Variants in ARHGAP26 observed in about 807,000 individuals in gnomAD.
The protein encoded by ARHGAP26 is Rho GTPase activating protein 26.
ARHGAP26 carries 38 observed loss-of-function variants against 104.8 expected under a neutral mutation model. That is an observed-to-expected ratio of 0.36 (90% CI 0.28 to 0.48). ARHGAP26 has a LOEUF of 0.48. ARHGAP26 is among the 20% of genes least tolerant of loss of function. ARHGAP26 has a pLI of 0.99. For missense variants in ARHGAP26, 704 were observed against 947.9 expected, an observed-to-expected ratio of 0.74 and a Z score of 3.38; for synonymous variants, 341 against 340.0, an observed-to-expected ratio of 1.00 and a Z score of -0.03.
chr5:143,070,552 T>G (rs1210079510), intron 17 of ARHGAP26, among the ~76,000 whole-genome samples: 1 of 151,998 alleles, frequency 6.6e-6, no homozygotes, highest in Non-Finnish European at 1.5e-5. Context: ...TCAGAAAAAT[T>G]TATATTGTTA....
At chr5:142,822,087 C>G (rs1426595164) in intron 1 of ARHGAP26, among the ~76,000 whole-genome samples, 2 of 152,220 alleles carry the variant, frequency 1.3e-5, no homozygotes, top group Non-Finnish European at 2.9e-5. Context: ...AATGATTGCA[C>G]TGGCTTCTCA....
At chr5:142,885,964 G>T (rs1419357555) in intron 5 of ARHGAP26, among the ~76,000 whole-genome samples, 2 of 152,070 alleles carry the variant, frequency 1.3e-5, no homozygotes, top group Non-Finnish European at 2.9e-5. Flanking sequence ...TTTGCGCTTG[G>T]TTTTTCTGGG....
intron 11 of ARHGAP26, among the ~76,000 whole-genome samples, chr5:143,011,744 G>A (rs1778790133): frequency 6.6e-6 from 1 of 152,168 alleles, no homozygotes; most frequent in African/African-American, 2.4e-5. Context: ...TGATAAAGAT[G>A]CTGCTGAGGG....
intron 11 of ARHGAP26, among the ~76,000 whole-genome samples, chr5:142,979,472 A>C (rs35294): frequency 0.45 from 68,180 of 152,134 alleles, 19,639 homozygotes; most frequent in East Asian, 0.92. Context: ...TATGGGACAT[A>C]TTCCTTTTGA....
chr5:142,796,098 T>C (rs994581041), intron 1 of ARHGAP26, among the ~76,000 whole-genome samples: 2 of 150,320 alleles, frequency 1.3e-5, no homozygotes, highest in African/African-American at 5.0e-5. Context: ...GTGTTACGTC[T>C]CTCCTACTAG....
chr5:142,980,467 C>A (rs575984669), intron 11 of ARHGAP26, among the ~76,000 whole-genome samples: 39 of 151,868 alleles, frequency 2.6e-4, no homozygotes, highest in African/African-American at 8.2e-4. Flanking sequence ...AGGCTCACTG[C>A]AACCTCCGTT....
chr5:143,086,040 G>A lies in ARHGAP26; in HGVS notation c.1538+28293G>A, dbSNP rs867953944. 2.6e-5 allele frequency among the ~76,000 whole-genome samples: 4 copies of A among 152,278 alleles called. No individual in the cohort carries two copies. The South Asian group carries it at 8.3e-4, about 32-fold the overall frequency. On this transcript the variant is annotated intron_variant, in intron 17 of 22. Coordinates refer to ENST00000645722, the MANE Select transcript of ARHGAP26 (RefSeq NM_001135608.3). ...CTTGTTTTTATCCTAGTCTTTGACT[G>A]TCAGAGCTGGCCTTTCAGGGTTCCT... is the stretch of plus-strand genomic sequence containing the variant.
intron 1 of ARHGAP26, among the ~76,000 whole-genome samples, chr5:142,779,509 G>T (rs1483915220): frequency 6.6e-6 from 1 of 152,112 alleles, no homozygotes; most frequent in East Asian, 1.9e-4. Context: ...CTGTTAACTA[G>T]CTGGTTTCTC....
chr5:142,924,944 A>G (rs1763705859), intron 10 of ARHGAP26, among the ~76,000 whole-genome samples: 1 of 152,220 alleles, frequency 6.6e-6, no homozygotes, highest in Non-Finnish European at 1.5e-5. Flanking sequence ...AATGCATGAG[A>G]TGGATGACTT....
chr5:142,843,188 A>T (rs1771155729), intron 1 of ARHGAP26, among the ~76,000 whole-genome samples: 9 of 152,128 alleles, frequency 5.9e-5, no homozygotes, highest in Admixed American at 5.9e-4. Context: ...GGCACCTCAG[A>T]TGATGTTGGA....
intron 19 of ARHGAP26, among the ~76,000 whole-genome samples, chr5:143,144,973 G>A (rs897353763): frequency 2.0e-5 from 3 of 152,144 alleles, no homozygotes; most frequent in African/African-American, 7.2e-5. Context: ...TTATAGTCAG[G>A]GAATGCCAGG....
chr5:142,893,534 T>C (rs1759018361), intron 5 of ARHGAP26, among the ~76,000 whole-genome samples: 2 of 152,202 alleles, frequency 1.3e-5, no homozygotes, highest in African/African-American at 4.8e-5. Flanking sequence ...ATCTTGGCTG[T>C]TGTGAGTAGT....
chr5:143,095,664 C>T (rs149506925), intron 17 of ARHGAP26, among the ~76,000 whole-genome samples: 1 of 152,148 alleles, frequency 6.6e-6, no homozygotes, highest in East Asian at 1.9e-4. Flanking sequence ...CACCTCCCAG[C>T]TGGGTTCAAG....
chr5:143,112,130 A>G (rs1794853277), intron 17 of ARHGAP26, among the ~76,000 whole-genome samples: 1 of 152,232 alleles, frequency 6.6e-6, no homozygotes, highest in Non-Finnish European at 1.5e-5. Flanking sequence ...TGTCAATTCC[A>G]TGAATGGTGG....
At chr5:142,963,219 T>TGTGTGTGTGTGTGTGTGTGTGTGTGTGC in intron 11 of ARHGAP26, among the ~76,000 whole-genome samples, 1 of 127,974 alleles carries the variant, frequency 7.8e-6, no homozygotes, top group African/African-American at 3.6e-5. Flanking sequence ...TGTGTGTGTG[T>TGTGTGTGTGTGTGTGTGTGTGTGTGTGC]GCGCGTGTGT....
chr5:142,844,776 A>T (rs767245438), intron 1 of ARHGAP26, among the ~76,000 whole-genome samples: 1 of 151,366 alleles, frequency 6.6e-6, no homozygotes, highest in Non-Finnish European at 1.5e-5. Flanking sequence ...AATCGCTTGA[A>T]TCTGGGAGGT....
chr5:143,001,189 G>A (rs1395230748), intron 11 of ARHGAP26, among the ~76,000 whole-genome samples: 3 of 152,176 alleles, frequency 2.0e-5, no homozygotes, highest in African/African-American at 7.2e-5. Context: ...AGGGGTGGGA[G>A]TAAGATGGAA....
At chr5:143,121,832 A>C (rs1277297349) in intron 18 of ARHGAP26, among the ~76,000 whole-genome samples, 1 of 152,214 alleles carries the variant, frequency 6.6e-6, no homozygotes, top group African/African-American at 2.4e-5. Flanking sequence ...TGCTCTTATG[A>C]GCAAATCCAT....
At chr5:142,932,813 C>T (rs575933812) in intron 11 of ARHGAP26, among the ~76,000 whole-genome samples, 2 of 152,298 alleles carry the variant, frequency 1.3e-5, no homozygotes, top group South Asian at 2.1e-4. Flanking sequence ...GAACTCTTTG[C>T]GTCAGGCTGG....
Sources: allele counts gnomAD v4.1 joint callset (sites outside exome capture counted in the v4.1 genomes callset), GRCh38; gene constraint gnomAD v4.1.1; transcripts MANE v1.5; gene names NCBI Gene and HGNC (gene_info 2026-07-23, HGNC 2026-07-21).